Variants in ATXN1 observed in about 807,000 individuals in gnomAD.
ATXN1 encodes the protein ataxin 1.
ATXN1 carries 8 observed loss-of-function variants against 56.4 expected under a neutral mutation model. The observed-to-expected ratio is 0.14, with a 90% CI of 0.08 to 0.26. The LOEUF is 0.26. Ranked by LOEUF, ATXN1 falls within the 10% of genes least tolerant of loss-of-function variation. The probability of loss-of-function intolerance (pLI) is 1.00; values close to 1 mark genes in which losing one functional copy is unlikely to be tolerated. For synonymous variants in ATXN1, 514 were observed against 494.6 expected, an observed-to-expected ratio of 1.04 and a Z score of -0.52; for missense variants, 987 against 1,106.5, an observed-to-expected ratio of 0.89 and a Z score of 1.53.
At chr6:16,618,052 C>CA (rs921729373) in intron 3 of ATXN1, among the ~76,000 whole-genome samples, 63 of 126,454 alleles carry the variant, frequency 5.0e-4, no homozygotes, top group African/African-American at 6.5e-4. Context: ...GGTATAAAAG[C>CA]AAAAAAAAAA....
intron 6 of ATXN1, among the ~76,000 whole-genome samples, chr6:16,385,521 T>C (rs1758221781): frequency 6.6e-6 from 1 of 152,194 alleles, no homozygotes. Context: ...AGGAACAGCA[T>C]AGGGGCTTCT....
At chr6:16,363,799 G>A (rs955381857) in intron 6 of ATXN1, among the ~76,000 whole-genome samples, 12 of 152,120 alleles carry the variant, frequency 7.9e-5, no homozygotes, top group Admixed American at 1.3e-4. Flanking sequence ...TAAGCATTTC[G>A]TTTCATCCCC....
chr6:16,414,548 T>C (rs912588934), intron 6 of ATXN1, among the ~76,000 whole-genome samples: 1 of 152,200 alleles, frequency 6.6e-6, no homozygotes, highest in African/African-American at 2.4e-5. Context: ...TCTAGACTTA[T>C]TCAAACCTGC....
chr6:16,390,679 A>ATC (rs778718387), intron 6 of ATXN1, among the ~76,000 whole-genome samples: 7 of 106,222 alleles, frequency 6.6e-5, no homozygotes, highest in African/African-American at 3.4e-4. Context: ...AAATAAACAC[A>ATC]TCACACACAC....
chr6:16,460,307 T>C (rs542434757), intron 6 of ATXN1, among the ~76,000 whole-genome samples: 2 of 152,244 alleles, frequency 1.3e-5, no homozygotes, highest in Admixed American at 1.3e-4. Context: ...TACTCAGACT[T>C]GTAGGACAAC....
chr6:16,649,930 C>A (rs1763864848), intron 3 of ATXN1, among the ~76,000 whole-genome samples: 1 of 151,032 alleles, frequency 6.6e-6, no homozygotes. Context: ...GGTAACACAG[C>A]AAGAGGATAA....
chr6:16,573,687 A>G (rs1762371846), intron 4 of ATXN1, among the ~76,000 whole-genome samples: 1 of 152,142 alleles, frequency 6.6e-6, no homozygotes, highest in Non-Finnish European at 1.5e-5. Flanking sequence ...ATTCTCTTTC[A>G]TACCAATCTC....
chr6:16,587,592 C>G (rs982536599), intron 3 of ATXN1, among the ~76,000 whole-genome samples: 1 of 152,196 alleles, frequency 6.6e-6, no homozygotes, highest in African/African-American at 2.4e-5. Context: ...ATATGACACT[C>G]CCTTTGATTA....
chr6:16,470,545 A>T (rs1760197236), intron 6 of ATXN1, among the ~76,000 whole-genome samples: 1 of 152,220 alleles, frequency 6.6e-6, no homozygotes, highest in Non-Finnish European at 1.5e-5. Flanking sequence ...TGAAACTTAC[A>T]TGCAAAGTTA....
Position 16,302,165 on chromosome 6 carries a change from C to G in ATXN1, c.*4164G>C, listed in dbSNP as rs1433377484. 6.6e-6 allele frequency: 1 copy of G among 152,630 alleles called. No individual in the cohort carries two copies. Among genetic ancestry groups the G allele is most frequent in the Non-Finnish European group, 1.5e-5 (1 of 68,052 alleles). The allele number at this position is 152,630 out of a possible 1,614,324, so 9.5% of individuals were successfully genotyped here. A position where few individuals can be genotyped will look rare whatever the true frequency, so the allele number is the denominator to read the frequency against. ...TTCCTTGAAATTGTACAACCCTACTCCAGAGCAGTCAAAGTGCTGCTTCTG... is the reference window on the plus strand; with the variant it reads ...TTCCTTGAAATTGTACAACCCTACTGCAGAGCAGTCAAAGTGCTGCTTCTG... On this transcript the variant is annotated 3_prime_UTR_variant, in exon 8 of 8. Coordinates refer to ENST00000436367, the MANE Select transcript of ATXN1 (RefSeq NM_001128164.2).
rs770750258 is a variant in ATXN1 at position 16,761,318 on chromosome 6, G to A, written c.-750C>T. ...CTTACTGTAAAGTGTAAATGGATCT[G>A]GGGTTGCGTGGGGAAGGGGGGGCAG... On this transcript the variant is annotated 5_prime_UTR_variant, in exon 1 of 8. Coordinates refer to ENST00000436367, the MANE Select transcript of ATXN1 (RefSeq NM_001128164.2). 136 of 456,028 alleles carry A rather than the reference G, an allele frequency of 3.0e-4. 2 individuals carry two copies. The highest frequency in any genetic ancestry group is 6.2e-5 in the Non-Finnish European group (14 of 226,782). The allele number at this position is 456,028 out of a possible 1,614,324, so 28.2% of individuals were successfully genotyped here.
intron 3 of ATXN1, among the ~76,000 whole-genome samples, chr6:16,617,716 G>A (rs1196923726): frequency 2.1e-5 from 3 of 143,166 alleles, no homozygotes; most frequent in Non-Finnish European, 4.5e-5. Context: ...GCAGTGAGCC[G>A]AGATCACGCC....
chr6:16,570,661 G>A (rs1430147436), intron 4 of ATXN1, among the ~76,000 whole-genome samples: 5 of 152,060 alleles, frequency 3.3e-5, no homozygotes, highest in African/African-American at 9.7e-5. Context: ...ATGGAAGAGG[G>A]GAGAAGAGAC....
At chr6:16,362,477 G>C (rs903573648) in intron 6 of ATXN1, among the ~76,000 whole-genome samples, 1 of 152,048 alleles carries the variant, frequency 6.6e-6, no homozygotes, top group Non-Finnish European at 1.5e-5. Context: ...GCTCTCAGCA[G>C]TTACCCCCAT....
At chr6:16,415,476 C>T (rs1374187205) in intron 6 of ATXN1, among the ~76,000 whole-genome samples, 3 of 152,226 alleles carry the variant, frequency 2.0e-5, no homozygotes, top group East Asian at 3.8e-4. Context: ...ATGCTCCACC[C>T]TCCTTGGCCT....
chr6:16,611,883 A>G (rs1378787190), intron 3 of ATXN1, among the ~76,000 whole-genome samples: 3 of 97,208 alleles, frequency 3.1e-5, no homozygotes, highest in African/African-American at 7.1e-5. Context: ...TTTTTGAGAC[A>G]GAGTCTCACT....
intron 5 of ATXN1, among the ~76,000 whole-genome samples, chr6:16,492,555 TTTC>T (rs1760690219): frequency 5.4e-5 from 1 of 18,496 alleles, no homozygotes; most frequent in African/African-American, 1.6e-4. Context: ...ATACAATACA[TTTC>T]TTTTTTTTTT....
rs112853609 is a variant in ATXN1, at chr6:16,656,491, G to A, written c.-489+1285C>T. Among the ~76,000 whole-genome samples the A allele has an allele frequency of 4.7e-5, 7 of 148,476 alleles. 1 individual carries two copies. The highest frequency in any genetic ancestry group is 1.6e-4 in the African/African-American group (6 of 37,906). ...TGCTTCCAGGTAATATCATGAACGG[G>A]GTTGATAAAAAAAAAATTCCTGGAA... On this transcript the variant is annotated intron_variant, in intron 3 of 7. Transcript: ENST00000436367.
At chr6:16,393,591 A>G (rs1373919363) in intron 6 of ATXN1, among the ~76,000 whole-genome samples, 3 of 152,252 alleles carry the variant, frequency 2.0e-5, no homozygotes, top group African/African-American at 7.2e-5. Context: ...TTTGCCTACA[A>G]ATATGTCTAC....
Sources: allele counts gnomAD v4.1 joint callset (sites outside exome capture counted in the v4.1 genomes callset), GRCh38; gene constraint gnomAD v4.1.1; transcripts MANE v1.5; gene names NCBI Gene and HGNC (gene_info 2026-07-23, HGNC 2026-07-21).